The following IL1RL1 variants were observed in gnomAD, a reference collection of about 807,000 sequenced individuals.
IL1RL1 encodes interleukin 1 receptor like 1.
Under a neutral mutation model 50.9 loss-of-function variants are expected in IL1RL1, and 32 were observed. The ratio of observed to expected loss-of-function variants is 0.63; its 90% CI spans 0.47 to 0.84. The LOEUF (loss-of-function observed/expected upper bound fraction) is 0.84, where lower values mean the gene tolerates loss of function less well. Ranked by LOEUF, IL1RL1 falls within the 40% of genes least tolerant of loss-of-function variation. IL1RL1 has a pLI of 0.00. For synonymous variants in IL1RL1, 275 were observed against 236.0 expected (o/e 1.17, Z -1.51); for missense variants, 773 against 662.9 (o/e 1.17, Z -1.82).
chr2:102,319,588 A>G (rs1676778041), intron 1 of IL1RL1, among the ~76,000 whole-genome samples: 1 of 152,230 alleles, frequency 6.6e-6, no homozygotes, highest in South Asian at 2.1e-4. Flanking sequence ...AGTGTAAGCT[A>G]GTACACTAGG....
intron 1 of IL1RL1, among the ~76,000 whole-genome samples, chr2:102,314,220 CACAT>C (rs1484867602): frequency 6.6e-6 from 1 of 152,162 alleles, no homozygotes; most frequent in African/African-American, 2.4e-5. Flanking sequence ...TTCCACACAC[CACAT>C]CCTGCCATTC....
At position 102,338,189 on chromosome 2, in the gene IL1RL1, C is replaced by T; in HGVS notation, c.-76C>T. 1 of 930,426 alleles carries T rather than the reference C, an allele frequency of 1.1e-6. No individual in the cohort carries two copies. The highest frequency in any genetic ancestry group is 1.7e-6 in the Non-Finnish European group (1 of 578,756). The allele number at this position is 930,426 out of a possible 1,614,324, so 57.6% of individuals were successfully genotyped here. A position where few individuals can be genotyped will look rare whatever the true frequency, so the allele number is the denominator to read the frequency against. ...ACTGCCTCATGTGTGGTGACCTTCA[C>T]TGTCGTATGCCAGTGACTCATCTGG... On this transcript the variant is annotated 5_prime_UTR_variant, in exon 2 of 11. Coordinates refer to ENST00000233954, the MANE Select transcript of IL1RL1 (RefSeq NM_016232.5).
chr2:102,347,023 G>A (rs182859220), intron 8 of IL1RL1, among the ~76,000 whole-genome samples: 5 of 152,350 alleles, frequency 3.3e-5, no homozygotes, highest in Admixed American at 1.3e-4. Context: ...CATGAGAGAA[G>A]TATGGGCTAT....
At chr2:102,321,509 G>T (rs546290987) in intron 1 of IL1RL1, among the ~76,000 whole-genome samples, 90 of 152,224 alleles carry the variant, frequency 5.9e-4, no homozygotes, top group African/African-American at 2.1e-3. Flanking sequence ...GGTATGTGCG[G>T]CCATGTTAGA....
intron 1 of IL1RL1, among the ~76,000 whole-genome samples, chr2:102,335,252 A>AAATCCTT (rs1677284099): frequency 6.6e-6 from 1 of 152,240 alleles, no homozygotes. Flanking sequence ...GAGAAGCCAA[A>AAATCCTT]ATAATTTAGT....
At chr2:102,317,863 T>C (rs1037637258) in intron 1 of IL1RL1, among the ~76,000 whole-genome samples, 4 of 151,906 alleles carry the variant, frequency 2.6e-5, no homozygotes, top group African/African-American at 7.3e-5. Flanking sequence ...GCAGACCTCA[T>C]TGAGAAAGTG....
downstream of IL1RL1, chr2:102,352,059 C>G: frequency 1.1e-6 from 1 of 891,480 alleles, no homozygotes; most frequent in South Asian, 1.9e-5. Context: ...GGTAACTTTC[C>G]TTCCATTTCC....
chr2:102,340,496 C>T (rs1677511942), intron 4 of IL1RL1, among the ~76,000 whole-genome samples, 170 bp from the exon 5 acceptor site: 1 of 152,096 alleles, frequency 6.6e-6, no homozygotes. Context: ...ACCTGTAATC[C>T]CAGCAGCTTG....
chr2:102,344,928 A>T (rs1677725435), intron 8 of IL1RL1: 1 of 968,720 alleles, frequency 1.0e-6, no homozygotes, highest in African/African-American at 1.8e-5. Context: ...AATTTGACAC[A>T]ATAAAAGGAC....
At chr2:102,316,645 C>T (rs770011252) in intron 1 of IL1RL1, among the ~76,000 whole-genome samples, 29 of 152,140 alleles carry the variant, frequency 1.9e-4, no homozygotes, top group Non-Finnish European at 3.8e-4. Flanking sequence ...TTCAGAATTA[C>T]CTGGAGATTT....
rs761694081 is a variant in IL1RL1 at position 102,338,947 on chromosome 2, C to T, written c.172C>T (p.Pro58Ser). 1 of 1,613,788 alleles carries T rather than the reference C, an allele frequency of 6.2e-7. No homozygotes were observed. Among genetic ancestry groups the T allele is most frequent in the Admixed American group, 1.7e-5 (1 of 59,992 alleles). The change falls in exon 3 of 11, where the codon CCC becomes TCC. Residue 58 changes from proline to serine, a missense_variant. By Grantham distance (74) the Pro-to-Ser change is moderately conservative. Coordinates refer to ENST00000233954, the MANE Select transcript of IL1RL1 (RefSeq NM_016232.5). Reference sequence around the variant, plus strand: ...TTACTCACAAACAAACAAAAGTATTCCCACTCAGGAAAGAAATCGTGTGTT... The same window carrying T: ...TTACTCACAAACAAACAAAAGTATTTCCACTCAGGAAAGAAATCGTGTGTT... The part of the protein sequence containing the change: ...WYYSQTNKSI[P>S]TQERNRVFAS...
In IL1RL1 at chr2:102,318,570, G is replaced by T. The variant is rs577112873; in HGVS notation, c.-150+6947G>T. Among the ~76,000 whole-genome samples, 21 of 152,206 alleles carry T rather than the reference G, an allele frequency of 1.4e-4. 1 individual carries two copies. The highest frequency in any genetic ancestry group is 7.9e-4 in the Admixed American group (12 of 15,280). On this transcript the variant is annotated intron_variant, in intron 1 of 10. Coordinates refer to ENST00000233954, the MANE Select transcript of IL1RL1 (RefSeq NM_016232.5). ...TGAGAACCTGAAGTTCAGGGGAAAA[G>T]TGTGGACGGCAGGTGTAACTGCAAG...
At chr2:102,323,627 T>A (rs1676903150) in intron 1 of IL1RL1, among the ~76,000 whole-genome samples, 1 of 151,716 alleles carries the variant, frequency 6.6e-6, no homozygotes, top group South Asian at 2.1e-4. Flanking sequence ...AACAGCCAGC[T>A]CCCATGGGAA....
chr2:102,326,645 G>A (rs986944106), intron 1 of IL1RL1, among the ~76,000 whole-genome samples: 7 of 150,350 alleles, frequency 4.7e-5, no homozygotes, highest in Non-Finnish European at 8.9e-5. Flanking sequence ...TCAAAATAAA[G>A]GGATGGCGGA....
chr2:102,337,795 T>G (rs548909947), intron 1 of IL1RL1, among the ~76,000 whole-genome samples: 1 of 152,258 alleles, frequency 6.6e-6, no homozygotes, highest in South Asian at 2.1e-4. Flanking sequence ...CTACTGAATT[T>G]TATGGTTTTT....
At chr2:102,331,416 A>C (rs1394382585) in intron 1 of IL1RL1, among the ~76,000 whole-genome samples, 1 of 152,244 alleles carries the variant, frequency 6.6e-6, no homozygotes, top group Non-Finnish European at 1.5e-5. Context: ...CTAAAATATT[A>C]GTCTTGAAGG....
intron 1 of IL1RL1, among the ~76,000 whole-genome samples, chr2:102,322,973 A>G (rs1391347379): frequency 6.6e-6 from 1 of 152,054 alleles, no homozygotes; most frequent in Non-Finnish European, 1.5e-5. Context: ...TTGTTTGGAA[A>G]TGAACTCAGA....
rs1677727643 is a variant in IL1RL1 at position 102,344,999 on chromosome 2, T to G, written c.970+1584T>G. On this transcript the variant is annotated intron_variant, in intron 8 of 10. Transcript: ENST00000233954. The stretch of plus-strand genomic sequence containing the variant: ...CAGACACTATATAATCTTTTAAAAA[T>G]GTAACATTCTTTTTTATATATAAAT... The G allele has an allele frequency of 4.2e-6, 4 of 952,220 alleles. No homozygotes were observed. The South Asian group carries it at 1.9e-4, about 46-fold the overall frequency. The allele number at this position is 952,220 out of a possible 1,614,324, so 59.0% of individuals were successfully genotyped here.
chr2:102,319,403 A>G (rs1393972070), intron 1 of IL1RL1, among the ~76,000 whole-genome samples: 1 of 152,208 alleles, frequency 6.6e-6, no homozygotes, highest in African/African-American at 2.4e-5. Context: ...AACAATTATT[A>G]TACAGTGCAG....
Sources: allele counts gnomAD v4.1 joint callset (sites outside exome capture counted in the v4.1 genomes callset), GRCh38; gene constraint gnomAD v4.1.1; transcripts MANE v1.5; gene names NCBI Gene and HGNC (gene_info 2026-07-23, HGNC 2026-07-21).